Variants in COL19A1 observed in about 807,000 individuals in gnomAD.
COL19A1 encodes the protein collagen type XIX alpha 1 chain, also known as collagen alpha-1(XIX) chain.
COL19A1 carries 159 observed loss-of-function variants against 190.2 expected under a neutral mutation model. The observed-to-expected ratio is 0.84, with a 90% CI of 0.73 to 0.95. The LOEUF (loss-of-function observed/expected upper bound fraction) is 0.95. Among genes scored for constraint, COL19A1 ranks in the 40% least tolerant of loss-of-function variants. The pLI is 0.00. For synonymous variants in COL19A1, 509 were observed against 458.9 expected (o/e 1.11, Z -1.39); for missense variants, 1,418 against 1,431.9 (o/e 0.99, Z 0.16).
intron 11 of COL19A1, among the ~76,000 whole-genome samples, chr6:70,017,735 T>C (rs904593850): frequency 1.3e-5 from 2 of 151,968 alleles, no homozygotes; most frequent in Admixed American, 1.3e-4. Flanking sequence ...GAAGGAAATA[T>C]AGTATCACAG....
chr6:70,001,815 A>T (rs1164846638), intron 11 of COL19A1, among the ~76,000 whole-genome samples: 1 of 152,030 alleles, frequency 6.6e-6, no homozygotes, highest in Non-Finnish European at 1.5e-5. Context: ...ATCTGCAAAC[A>T]GAAAATTTGA....
intron 15 of COL19A1, among the ~76,000 whole-genome samples, chr6:70,094,058 A>G (rs1180990230): frequency 6.6e-6 from 1 of 152,184 alleles, no homozygotes; most frequent in Non-Finnish European, 1.5e-5. Flanking sequence ...CCCTGAAGTA[A>G]TGAGACCTTT....
intron 11 of COL19A1, among the ~76,000 whole-genome samples, chr6:69,977,493 C>T (rs866940518): frequency 6.6e-6 from 1 of 151,454 alleles, no homozygotes. Flanking sequence ...ATGGGTGCAG[C>T]ACACCAACAT....
chr6:70,192,461 C>T (rs1007494490), intron 48 of COL19A1, among the ~76,000 whole-genome samples: 1 of 149,946 alleles, frequency 6.7e-6, no homozygotes, highest in Non-Finnish European at 1.5e-5. Context: ...TTCATTCTTT[C>T]TTCTTCTTTC....
At chr6:70,161,658 G>T (rs372921635) in intron 34 of COL19A1, among the ~76,000 whole-genome samples, 18 of 152,022 alleles carry the variant, frequency 1.2e-4, no homozygotes, top group Non-Finnish European at 2.2e-4. Context: ...CACTAAAATC[G>T]CAGACTTCAC....
intron 4 of COL19A1, among the ~76,000 whole-genome samples, chr6:69,904,255 G>A (rs765689101): frequency 2.0e-5 from 3 of 152,132 alleles, no homozygotes; most frequent in African/African-American, 7.2e-5. Context: ...GTATATGATC[G>A]CCATTTACTC....
chr6:69,921,642 G>A (rs1010249310), intron 4 of COL19A1, among the ~76,000 whole-genome samples: 10 of 144,556 alleles, frequency 6.9e-5, no homozygotes, highest in Admixed American at 2.9e-4. Flanking sequence ...GTATATATTC[G>A]TATATAGATT....
Position 70,163,210 on chromosome 6 carries a change from A to G in COL19A1, c.2347-133A>G, listed in dbSNP as rs2150261462. Reference sequence around the variant, plus strand: ...ACAGCTGCTGTATCAGCCAGAAGAAACATAAGCTTCTAGGGCTTATTTAAT... The same window carrying G: ...ACAGCTGCTGTATCAGCCAGAAGAAGCATAAGCTTCTAGGGCTTATTTAAT... On this transcript the variant is annotated intron_variant, in intron 35 of 50. Transcript: ENST00000620364. The G allele has an allele frequency of 3.9e-6, 3 of 766,348 alleles. No homozygotes were observed. In the East Asian group the frequency reaches 8.1e-5, roughly 21 times the overall value. 47.5% of individuals were successfully genotyped at this position (766,348 alleles called of 1,614,324 possible). A position where few individuals can be genotyped will look rare whatever the true frequency, so the allele number is the denominator to read the frequency against.
At chr6:69,932,100 G>T (rs1772797444) in intron 6 of COL19A1, among the ~76,000 whole-genome samples, 2 of 151,812 alleles carry the variant, frequency 1.3e-5, no homozygotes, top group Non-Finnish European at 2.9e-5. Context: ...CTTAGGTGTT[G>T]ATTTCATCTT....
At chr6:69,975,974 G>A (rs753312304) in intron 11 of COL19A1, among the ~76,000 whole-genome samples, 1 of 152,080 alleles carries the variant, frequency 6.6e-6, no homozygotes, top group Non-Finnish European at 1.5e-5. Flanking sequence ...ATAACACATG[G>A]TTTTTGTTTT....
intron 44 of COL19A1, among the ~76,000 whole-genome samples, chr6:70,183,128 T>C (rs1242749783): frequency 1.3e-5 from 2 of 152,014 alleles, no homozygotes; most frequent in African/African-American, 4.8e-5. Context: ...GGGAGTCAAA[T>C]TGGGAAATAC....
intron 15 of COL19A1, among the ~76,000 whole-genome samples, chr6:70,079,967 A>G (rs1055793526): frequency 1.3e-5 from 2 of 152,222 alleles, no homozygotes; most frequent in African/African-American, 2.4e-5. Context: ...ACAAACAATA[A>G]TAAATTATCC....
chr6:70,190,246 C>A, intron 47 of COL19A1, 69 bp from the exon 48 acceptor site: 1 of 1,225,400 alleles, frequency 8.2e-7, no homozygotes, highest in African/African-American at 1.5e-5. Flanking sequence ...GCAAGCCAAC[C>A]CAATATTTCT....
chr6:69,901,648 A>C (rs189215329), intron 4 of COL19A1, among the ~76,000 whole-genome samples: 8 of 152,362 alleles, frequency 5.3e-5, no homozygotes, highest in Admixed American at 1.3e-4. Context: ...TAAAGAAAAG[A>C]TGAGAGGCGC....
intron 11 of COL19A1, among the ~76,000 whole-genome samples, chr6:69,991,199 C>T (rs1209200970): frequency 6.6e-6 from 1 of 152,038 alleles, no homozygotes; most frequent in Non-Finnish European, 1.5e-5. Flanking sequence ...CTAGCTCCAT[C>T]CATGTTGCTG....
Position 69,929,617 on chromosome 6 carries a change from A to G in COL19A1, c.583A>G (p.Arg195Gly). 6.2e-7 allele frequency: 1 copy of G among 1,614,052 alleles called. No individual in the cohort carries two copies. Among genetic ancestry groups the G allele is most frequent in the South Asian group, 1.1e-5 (1 of 91,086 alleles). The part of the protein sequence containing the change: ...LYMDCNLIAR[R>G]QTDEKDTVDF... ...TATGGATTGTAATTTAATTGCGAGG[A>G]GGCAGACTGATGAAAAGGACACTGT... Residue 195 changes from arginine to glycine, a missense_variant, in exon 6 of 51, where the codon AGG becomes GGG. By Grantham distance (125) the Arg-to-Gly change is moderately radical. Coordinates refer to ENST00000620364, the MANE Select transcript of COL19A1 (RefSeq NM_001858.6).
At chr6:69,994,697 G>T (rs1336010132) in intron 11 of COL19A1, among the ~76,000 whole-genome samples, 1 of 152,108 alleles carries the variant, frequency 6.6e-6, no homozygotes, top group Non-Finnish European at 1.5e-5. Flanking sequence ...TTCTGGATGT[G>T]GCACCAGTTC....
Position 70,083,131 on chromosome 6 carries a change from G to A in COL19A1, c.1224+14655G>A, listed in dbSNP as rs559420181. 7.9e-5 allele frequency among the ~76,000 whole-genome samples: 12 copies of A among 152,308 alleles called. No homozygotes were observed. The East Asian group carries it at 1.5e-3, about 20-fold the overall frequency. On this transcript the variant is annotated intron_variant, in intron 15 of 50. Transcript: ENST00000620364. ...AAGTAGATATGTTAACAAGCAAAAA[G>A]CAGGATCATGTCTTACATTAAAAAC...
intron 12 of COL19A1, 39 bp from the exon 13 acceptor site, chr6:70,034,206 C>T (rs761436304): frequency 2.1e-6 from 3 of 1,434,866 alleles, no homozygotes; most frequent in East Asian, 4.5e-5. Flanking sequence ...GAAATTAAAG[C>T]TTTCTGTGAA....
Sources: allele counts gnomAD v4.1 joint callset (sites outside exome capture counted in the v4.1 genomes callset), GRCh38; gene constraint gnomAD v4.1.1; transcripts MANE v1.5; gene names NCBI Gene and HGNC (gene_info 2026-07-23, HGNC 2026-07-21).